Variants in DOCK10 observed in about 807,000 individuals in gnomAD.
DOCK10 encodes the protein dedicator of cytokinesis 10.
DOCK10 carries 145 observed loss-of-function variants against 280.1 expected under a neutral mutation model. That is an observed-to-expected ratio of 0.52 (90% CI 0.45 to 0.59). The LOEUF (loss-of-function observed/expected upper bound fraction) is 0.59. Ranked by LOEUF, DOCK10 falls within the 20% of genes least tolerant of loss-of-function variation. The probability of loss-of-function intolerance (pLI) is 0.00; values close to 1 mark genes in which losing one functional copy is unlikely to be tolerated. For missense variants in DOCK10, 2,368 were observed against 2,651.7 expected (o/e 0.89, Z 2.35); for synonymous variants, 915 against 942.2 (o/e 0.97, Z 0.53).
rs187112821 is a variant in DOCK10, at chr2:224,798,430, G to T, written c.4507-461C>A. Among the ~76,000 whole-genome samples the T allele has an allele frequency of 4.7e-4, 72 of 152,224 alleles. 3 individuals are homozygous for T. The East Asian group carries it at 0.013, about 28-fold the overall frequency. ...GGTGGGGCCGGGGAGAAATGGGAGA[G>T]AGGTCACAGGTTCTTGAAGGCACTA... On this transcript the variant is annotated intron_variant, in intron 41 of 55. Coordinates refer to ENST00000258390, the MANE Select transcript of DOCK10 (RefSeq NM_014689.3).
chr2:224,797,842 A>G lies in DOCK10; in HGVS notation c.4634T>C (p.Phe1545Ser), dbSNP rs2125149017. Residue 1545 changes from phenylalanine (F) to serine (S), a missense_variant, in exon 42 of 56, where the codon TTT becomes TCT. Phe to Ser is a radical substitution (Grantham distance 155). Coordinates refer to ENST00000258390, the MANE Select transcript of DOCK10 (RefSeq NM_014689.3). ...LKHVFASLRL[F>S]VCKFPSAFFQ... The stretch of plus-strand genomic sequence containing the variant: ...CCTGGAGATCCTTACCTTGCATACA[A>G]ACAGTCTCAAGGAGGCAAACACATG... 1 of 1,613,330 alleles carries G rather than the reference A, an allele frequency of 6.2e-7. No individual in the cohort carries two copies. Among genetic ancestry groups the G allele is most frequent in the East Asian group, 2.2e-5 (1 of 44,864 alleles).
At chr2:224,886,581 T>C in intron 4 of DOCK10, 50 bp from the exon 5 acceptor site, 1 of 1,459,434 alleles carries the variant, frequency 6.9e-7, no homozygotes, top group Non-Finnish European at 9.3e-7. Context: ...GAGACAGCTT[T>C]CATTTTAAGT....
intron 19 of DOCK10, 48 bp from the exon 20 acceptor site, chr2:224,845,690 C>T (rs1289066483): frequency 6.4e-7 from 1 of 1,557,132 alleles, no homozygotes. Flanking sequence ...ATCATTTGCT[C>T]AATATCAGAG....
At chr2:224,900,532 C>T (rs555824650) in intron 3 of DOCK10, among the ~76,000 whole-genome samples, 2 of 152,144 alleles carry the variant, frequency 1.3e-5, no homozygotes, top group South Asian at 2.1e-4. Flanking sequence ...TGGTTGCAAA[C>T]CTTAAAAATG....
chr2:224,842,067 T>A (rs912173333), intron 22 of DOCK10, among the ~76,000 whole-genome samples, 171 bp from the exon 23 acceptor site: 1 of 152,232 alleles, frequency 6.6e-6, no homozygotes, highest in Non-Finnish European at 1.5e-5. Context: ...TCTGGCCTAG[T>A]GAAGGCTCTG....
At chr2:224,797,710 A>G in intron 42 of DOCK10, 122 bp downstream of exon 42, 1 of 1,210,184 alleles carries the variant, frequency 8.3e-7, no homozygotes, top group South Asian at 1.7e-5. Flanking sequence ...AATAAAACCC[A>G]AATTGAAGAA....
At chr2:224,905,638 A>G (rs1700577740) in intron 3 of DOCK10, among the ~76,000 whole-genome samples, 1 of 152,168 alleles carries the variant, frequency 6.6e-6, no homozygotes, top group African/African-American at 2.4e-5. Flanking sequence ...AAGTGGGTTT[A>G]TGCTTTGCAA....
chr2:224,810,227 C>A (rs1693669042), intron 31 of DOCK10, among the ~76,000 whole-genome samples: 1 of 152,116 alleles, frequency 6.6e-6, no homozygotes, highest in East Asian at 1.9e-4. Flanking sequence ...ACTATGCAAT[C>A]TATGCATGTA....
intron 1 of DOCK10, among the ~76,000 whole-genome samples, chr2:224,971,601 G>A (rs1705085910): frequency 6.6e-6 from 1 of 152,142 alleles, no homozygotes; most frequent in Non-Finnish European, 1.5e-5. Flanking sequence ...TTGAAAGGTG[G>A]TTAGTGTGAC....
rs184972210 is a variant in DOCK10, at chr2:224,781,177, G to A, written c.5656-2893C>T. 5.9e-5 allele frequency among the ~76,000 whole-genome samples: 9 copies of A among 152,288 alleles called. No individual in the cohort carries two copies. The East Asian group carries it at 9.6e-4, about 16-fold the overall frequency. ...TTTATGCAGCTTAACTCAGTTTTCA[G>A]TGCTCGAAAATACATACTTTCAGCT... is the stretch of plus-strand genomic sequence containing the variant. On this transcript the variant is annotated intron_variant, in intron 50 of 55. Transcript: ENST00000258390.
intron 1 of DOCK10, among the ~76,000 whole-genome samples, chr2:225,030,261 G>A (rs1690040432): frequency 6.6e-6 from 1 of 151,906 alleles, no homozygotes; most frequent in Non-Finnish European, 1.5e-5. Context: ...ATGCTCTAAA[G>A]CCGTGTCATG....
At chr2:224,977,006 T>C (rs563400600) in intron 1 of DOCK10, among the ~76,000 whole-genome samples, 1 of 152,346 alleles carries the variant, frequency 6.6e-6, no homozygotes, top group Admixed American at 6.5e-5. Context: ...CAGGGAGGTC[T>C]TGGAGCAGTA....
chr2:224,812,389 G>A (rs1374190062), intron 31 of DOCK10, among the ~76,000 whole-genome samples: 5 of 152,188 alleles, frequency 3.3e-5, no homozygotes, highest in Non-Finnish European at 7.3e-5. Context: ...ATTTTGGGCT[G>A]AGACAATGAG....
At chr2:225,031,798 C>G (rs565870563) in intron 1 of DOCK10, among the ~76,000 whole-genome samples, 160 of 152,312 alleles carry the variant, frequency 1.1e-3, no homozygotes, top group African/African-American at 3.7e-3. Flanking sequence ...GCTTACCCTT[C>G]TCTTCAGGAT....
intron 41 of DOCK10, among the ~76,000 whole-genome samples, chr2:224,798,253 A>T (rs1326153757): frequency 6.6e-6 from 1 of 152,164 alleles, no homozygotes; most frequent in Non-Finnish European, 1.5e-5. Flanking sequence ...TCTAATGGAA[A>T]ATTGGCATGT....
chr2:224,881,662 A>G (rs1419258892), intron 7 of DOCK10, among the ~76,000 whole-genome samples: 3 of 152,130 alleles, frequency 2.0e-5, no homozygotes, highest in African/African-American at 7.2e-5. Context: ...TGGAACAATC[A>G]TAGTTCATGT....
intron 15 of DOCK10, among the ~76,000 whole-genome samples, chr2:224,855,646 C>A (rs528401210): frequency 6.6e-6 from 1 of 152,176 alleles, no homozygotes; most frequent in African/African-American, 2.4e-5. Context: ...CCCTCCCACT[C>A]TCTCTCTATT....
intron 1 of DOCK10, among the ~76,000 whole-genome samples, chr2:224,947,273 G>C (rs869062): frequency 6.6e-6 from 1 of 151,974 alleles, no homozygotes; most frequent in South Asian, 2.1e-4. Flanking sequence ...AAAACCACCC[G>C]TGCAACCAAA....
At chr2:224,989,919 G>C (rs975575253) in intron 1 of DOCK10, among the ~76,000 whole-genome samples, 1 of 151,934 alleles carries the variant, frequency 6.6e-6, no homozygotes, top group Non-Finnish European at 1.5e-5. Flanking sequence ...CTTTTCCTTC[G>C]GTTTCTCTGT....
Sources: gnomAD v4.1 joint callset for allele counts (sites outside exome capture counted in the v4.1 genomes callset) on GRCh38, gnomAD v4.1.1 for gene constraint, MANE v1.5 for transcripts, NCBI Gene and HGNC (gene_info 2026-07-23, HGNC 2026-07-21) for gene names.